The following BBS7 variants were observed in gnomAD, a reference collection of about 807,000 sequenced individuals.
BBS7 encodes the protein Bardet-Biedl syndrome 7.
In BBS7, 50 loss-of-function variants were observed where a neutral mutation model predicts 90.3. The observed-to-expected ratio is 0.55, with a 90% CI of 0.44 to 0.70. The LOEUF is 0.70. BBS7 is among the 30% of genes least tolerant of loss of function. BBS7 has a pLI of 0.00. For synonymous variants in BBS7, 235 were observed against 287.4 expected (o/e 0.82, Z 1.85); for missense variants, 729 against 838.9 (o/e 0.87, Z 1.62).
intron 13 of BBS7, 87 bp downstream of exon 13, chr4:121,839,544 A>G: frequency 4.5e-6 from 5 of 1,121,126 alleles, no homozygotes; most frequent in Non-Finnish European, 6.7e-6. Context: ...ATTAAATGCA[A>G]ACAAATAATA....
intron 5 of BBS7, among the ~76,000 whole-genome samples, chr4:121,855,850 G>GTA (rs372563988): frequency 2.5e-4 from 21 of 84,392 alleles, no homozygotes; most frequent in South Asian, 8.3e-4. Flanking sequence ...ATACATATAT[G>GTA]CACATGTATG....
At chr4:121,844,577 C>T (rs1310538662) in intron 11 of BBS7, among the ~76,000 whole-genome samples, 2 of 151,588 alleles carry the variant, frequency 1.3e-5, no homozygotes, top group Admixed American at 6.6e-5. Context: ...TCTTTTTAAA[C>T]CTTTTCTTCC....
intron 8 of BBS7, 126 bp from the exon 9 acceptor site, chr4:121,849,054 A>T: frequency 1.4e-6 from 1 of 704,186 alleles, no homozygotes; most frequent in Non-Finnish European, 2.5e-6. Flanking sequence ...GTTTATGTGC[A>T]GACACTCAGA....
chr4:121,863,218 G>C lies in BBS7; in HGVS notation c.164C>G (p.Ala55Gly), dbSNP rs1209263561. The change falls in exon 3 of 19, where the codon GCA becomes GGA. Residue 55 changes from alanine (A) to glycine (G), a missense_variant and splice_region_variant. Physicochemically the swap from Ala to Gly is moderately conservative, Grantham distance 60. Coordinates refer to ENST00000264499, the MANE Select transcript of BBS7 (RefSeq NM_176824.3). ...TCCCCTTCACAAAGCTATACTTACT[G>C]CTGCTTCTCCTTTCTTCATGCCAAA... Reference protein sequence around the residue: ...MCFGMKKGEAAAVFKTLPGPK... With the variant: ...MCFGMKKGEAGAVFKTLPGPK... The C allele has an allele frequency of 6.2e-7, 1 of 1,613,346 alleles. No homozygotes were observed. Among genetic ancestry groups the C allele is most frequent in the Non-Finnish European group, 8.5e-7 (1 of 1,179,630 alleles).
rs1395880922 is a variant in BBS7, at chr4:121,845,572, T to G, written c.1162A>C (p.Asn388His). 1.2e-6 allele frequency: 2 copies of G among 1,613,076 alleles called. No individual in the cohort carries two copies. The highest frequency in any genetic ancestry group is 3.3e-5 in the Admixed American group (2 of 59,992). The stretch of plus-strand genomic sequence containing the variant: ...AGGCTGTAACTGGCATCATCTTTAT[T>G]TAGTGTAAATTTATCATTTATACCA... ...SFGINDKFTL[N>H]KDDASYSLIL... Residue 388 changes from asparagine (N) to histidine (H), a missense_variant, in exon 11 of 19, where the codon AAT becomes CAT. Asn to His is a moderately conservative substitution (Grantham distance 68). Coordinates refer to ENST00000264499, the MANE Select transcript of BBS7 (RefSeq NM_176824.3).
intron 2 of BBS7, among the ~76,000 whole-genome samples, chr4:121,864,227 A>C (rs1170754057): frequency 2.6e-5 from 4 of 152,234 alleles, no homozygotes; most frequent in Non-Finnish European, 5.9e-5. Flanking sequence ...GCTCTGATTT[A>C]AGAAACTACT....
intron 2 of BBS7, among the ~76,000 whole-genome samples, chr4:121,864,622 TAAAC>T (rs1727159636): frequency 6.6e-6 from 1 of 152,228 alleles, no homozygotes; most frequent in South Asian, 2.1e-4. Context: ...ACAACTTACA[TAAAC>T]AAATGTTCTT....
chr4:121,849,839 A>T (rs1202966554), intron 8 of BBS7, among the ~76,000 whole-genome samples: 1 of 149,818 alleles, frequency 6.7e-6, no homozygotes, highest in Non-Finnish European at 1.5e-5. Flanking sequence ...AAATAAAAAT[A>T]AAAAAAAATT....
intron 4 of BBS7, among the ~76,000 whole-genome samples, chr4:121,860,431 C>T (rs1182249919): frequency 6.6e-6 from 1 of 152,058 alleles, no homozygotes; most frequent in Non-Finnish European, 1.5e-5. Flanking sequence ...GGGATTCAGA[C>T]AATCAATTTT....
intron 12 of BBS7, among the ~76,000 whole-genome samples, chr4:121,843,122 G>C (rs1268429943): frequency 1.3e-5 from 2 of 152,140 alleles, no homozygotes; most frequent in African/African-American, 2.4e-5. Context: ...TGCATGGGAG[G>C]GGTGGTAGCA....
chr4:121,866,816 C>T, intron 2 of BBS7, among the ~76,000 whole-genome samples: 1 of 152,038 alleles, frequency 6.6e-6, no homozygotes, highest in South Asian at 2.1e-4. Flanking sequence ...CAGTATTATG[C>T]TGTTTTGGTT....
chr4:121,865,235 C>A (rs914741641), intron 2 of BBS7, among the ~76,000 whole-genome samples: 1 of 118,428 alleles, frequency 8.4e-6, no homozygotes, highest in Non-Finnish European at 1.8e-5. Flanking sequence ...TTTCATTCTT[C>A]TCTCTCTTTT....
Position 121,867,988 on chromosome 4 carries a change from G to A in BBS7, c.95C>T (p.Thr32Ile). Residue 32 changes from threonine (T) to isoleucine (I), a missense_variant, in exon 2 of 19, where the codon ACA becomes ATA. Transcript: ENST00000264499. Reference sequence around the variant, plus strand: ...TCAGAATCTATACAGTACCTTTTGTGTAGCTCTGTGTCTTGAGGCAGGAAT... The same window carrying A: ...TCAGAATCTATACAGTACCTTTTGTATAGCTCTGTGTCTTGAGGCAGGAAT... ...KLIPASRHRA[T>I]QKVVIGDHDG... is the part of the protein sequence containing the mutation. 6.2e-7 allele frequency: 1 copy of A among 1,612,800 alleles called. No individual in the cohort carries two copies.
rs370656021 is a variant in BBS7, at chr4:121,825,945, T to G, written c.2063A>C (p.Asn688Thr). The G allele has an allele frequency of 6.2e-7, 1 of 1,609,642 alleles. No homozygotes were observed. The highest frequency in any genetic ancestry group is 1.7e-5 in the Admixed American group (1 of 59,980). The change falls in exon 19 of 19, where the codon AAT becomes ACT. Residue 688 changes from asparagine to threonine, a missense_variant. Coordinates refer to ENST00000264499, the MANE Select transcript of BBS7 (RefSeq NM_176824.3). The stretch of plus-strand genomic sequence containing the variant: ...TAGAAGGGGTACTTTAGTTTTTACA[T>G]TGGTGCCTTTAAACTTAAATTTATC... Reference protein sequence around the residue: ...FIDKFKFKGTNVKTKVPLLLE... With the variant: ...FIDKFKFKGTTVKTKVPLLLE...
chr4:121,844,417 G>C (rs1725899336), intron 11 of BBS7, among the ~76,000 whole-genome samples: 1 of 152,094 alleles, frequency 6.6e-6, no homozygotes, highest in Admixed American at 6.5e-5. Context: ...GTCTCCTCTG[G>C]AGAGGCAGTT....
chr4:121,832,458 T>C (rs1337805034), intron 15 of BBS7, among the ~76,000 whole-genome samples: 2 of 152,214 alleles, frequency 1.3e-5, no homozygotes, highest in Non-Finnish European at 2.9e-5. Context: ...GTAGAGATAT[T>C]GGCCTTGCCC....
At chr4:121,848,739 A>C (rs1726144794) in intron 9 of BBS7, 105 bp downstream of exon 9, 1 of 863,166 alleles carries the variant, frequency 1.2e-6, no homozygotes, top group Non-Finnish European at 1.9e-6. Flanking sequence ...ATAAGGGGGG[A>C]CTACTATAAC....
chr4:121,828,351 T>C, intron 17 of BBS7, 51 bp downstream of exon 17: 1 of 1,589,890 alleles, frequency 6.3e-7, no homozygotes, highest in South Asian at 1.1e-5. Flanking sequence ...ATTTTAGAAA[T>C]CCTATGACTT....
chr4:121,851,484 A>G (rs1338573773), intron 8 of BBS7, among the ~76,000 whole-genome samples: 1 of 151,674 alleles, frequency 6.6e-6, no homozygotes, highest in African/African-American at 2.4e-5. Flanking sequence ...AGAAAGGAAG[A>G]AAGAAAGAAA....
Sources: gnomAD v4.1 joint callset for allele counts (sites outside exome capture counted in the v4.1 genomes callset) on GRCh38, gnomAD v4.1.1 for gene constraint, MANE v1.5 for transcripts, NCBI Gene and HGNC (gene_info 2026-07-23, HGNC 2026-07-21) for gene names.